The following NOX4 variants were observed in gnomAD, a reference collection of about 807,000 sequenced individuals.
The protein encoded by NOX4 is kidney oxidase-1.
Under a neutral mutation model 87.6 loss-of-function variants are expected in NOX4, and 69 were observed. The observed-to-expected ratio is 0.79, with a 90% confidence interval of 0.65 to 0.96. The LOEUF (loss-of-function observed/expected upper bound fraction) is 0.96, where lower values mean the gene tolerates loss of function less well. NOX4 is among the 40% of genes least tolerant of loss of function. NOX4 has a pLI of 0.00. For missense variants in NOX4, 680 were observed against 681.5 expected (o/e 1.00, Z 0.02); for synonymous variants, 275 against 238.2 (o/e 1.15, Z -1.42).
intron 12 of NOX4, among the ~76,000 whole-genome samples, chr11:89,355,566 T>C (rs1425552197): frequency 6.6e-6 from 1 of 152,010 alleles, no homozygotes; most frequent in Non-Finnish European, 1.5e-5. Flanking sequence ...GTCTCTTTAG[T>C]AACCCATGCA....
the NOX4 span, among the ~76,000 whole-genome samples, chr11:89,575,894 T>C: frequency 6.6e-6 from 1 of 152,232 alleles, no homozygotes; most frequent in Non-Finnish European, 1.5e-5. Flanking sequence ...TGAACATTTG[T>C]TGTCACAGTT....
intron 17 of NOX4, among the ~76,000 whole-genome samples, chr11:89,333,739 C>T (rs1945577501): frequency 1.3e-5 from 2 of 151,744 alleles, no homozygotes; most frequent in South Asian, 4.1e-4. Flanking sequence ...TCCATTTACA[C>T]AGTGCCTTTG....
At chr11:89,544,422 G>C in the NOX4 span, among the ~76,000 whole-genome samples, 1 of 152,078 alleles carries the variant, frequency 6.6e-6, no homozygotes, top group Non-Finnish European at 1.5e-5. Context: ...CTGAAGTGCA[G>C]CATCAAATAA....
intron 2 of NOX4, among the ~76,000 whole-genome samples, chr11:89,486,947 A>T (rs1396716603): frequency 6.6e-6 from 1 of 152,014 alleles, no homozygotes; most frequent in Non-Finnish European, 1.5e-5. Context: ...AGTTGGCCAC[A>T]TATTATTAAA....
chr11:89,370,517 T>A (rs182636626), intron 12 of NOX4, among the ~76,000 whole-genome samples: 1 of 151,898 alleles, frequency 6.6e-6, no homozygotes, highest in Non-Finnish European at 1.5e-5. Flanking sequence ...TAACAAAACA[T>A]TTTTGTACAC....
chr11:89,489,842 G>A (rs1946782534), intron 2 of NOX4, among the ~76,000 whole-genome samples: 3 of 151,898 alleles, frequency 2.0e-5, no homozygotes, highest in Non-Finnish European at 4.4e-5. Flanking sequence ...AGAAGGAGAT[G>A]GAACAGAAGA....
intron 11 of NOX4, among the ~76,000 whole-genome samples, chr11:89,387,365 C>A (rs995714266): frequency 1.3e-5 from 2 of 151,920 alleles, no homozygotes; most frequent in African/African-American, 4.8e-5. Context: ...TGACCCCCAT[C>A]CCTGCCCGCC....
At chr11:89,342,833 G>C (rs1300378988) in intron 13 of NOX4, among the ~76,000 whole-genome samples, 2 of 152,058 alleles carry the variant, frequency 1.3e-5, no homozygotes, top group Non-Finnish European at 2.9e-5. Context: ...GTGAGACAGA[G>C]AGAGAGAGAG....
Position 89,451,816 on chromosome 11 carries a change from G to T in NOX4, c.233C>A (p.Thr78Lys). Residue 78 changes from threonine to lysine, a missense_variant, in exon 3 of 18, where the codon ACA becomes AAA. Thr to Lys is a moderately conservative substitution (Grantham distance 78). Coordinates refer to ENST00000263317, the MANE Select transcript of NOX4 (RefSeq NM_016931.5). ...CSLILLPMCR[T>K]LLAYLRGSQK... ...TGATCCTCGGAGGTAAGCCAAGAGT[G>T]TTCGGCACATGGGTAAAAGGATAAG... The T allele has an allele frequency of 6.2e-7, 1 of 1,613,196 alleles. No homozygotes were observed. The highest frequency in any genetic ancestry group is 8.5e-7 in the Non-Finnish European group (1 of 1,179,316).
chr11:89,370,102 C>T (rs1209682921), intron 12 of NOX4, among the ~76,000 whole-genome samples: 1 of 152,028 alleles, frequency 6.6e-6, no homozygotes, highest in East Asian at 1.9e-4. Flanking sequence ...AGATTACTTG[C>T]ACTGTGAGAA....
intron 11 of NOX4, among the ~76,000 whole-genome samples, chr11:89,378,099 A>G (rs532221808): frequency 6.6e-5 from 10 of 152,274 alleles, no homozygotes; most frequent in African/African-American, 2.4e-4. Flanking sequence ...GATCACAGCA[A>G]TCTCCTATGG....
Position 89,324,506 on chromosome 11 carries a change from A to G in NOX4, c.*2250T>C, listed in dbSNP as rs943969089. ...GAAGCAAAGATGACCTATGTTTAAC[A>G]TTTAACATTTGAACACCTACTGGAA... On this transcript the variant is annotated 3_prime_UTR_variant, in exon 18 of 18. Coordinates refer to ENST00000263317, the MANE Select transcript of NOX4 (RefSeq NM_016931.5). 1.3e-5 allele frequency: 2 copies of G among 152,228 alleles called. No homozygotes were observed. The highest frequency in any genetic ancestry group is 2.9e-5 in the Non-Finnish European group (2 of 68,038). The allele number at this position is 152,228 out of a possible 1,614,324, so 9.4% of individuals were successfully genotyped here.
chr11:89,477,141 A>G (rs1946198700), intron 2 of NOX4, among the ~76,000 whole-genome samples: 1 of 152,184 alleles, frequency 6.6e-6, no homozygotes, highest in Non-Finnish European at 1.5e-5. Context: ...ATTGTAATAT[A>G]TAATGAAATA....
intron 11 of NOX4, among the ~76,000 whole-genome samples, chr11:89,396,221 T>C (rs919299682): frequency 3.3e-5 from 5 of 152,180 alleles, no homozygotes; most frequent in African/African-American, 9.6e-5. Context: ...GTCCTTCAGA[T>C]CCCTTGTAAG....
At chr11:89,449,177 C>T (rs1944837882) in intron 4 of NOX4, among the ~76,000 whole-genome samples, 1 of 152,092 alleles carries the variant, frequency 6.6e-6, no homozygotes, top group South Asian at 2.1e-4. Flanking sequence ...AGATAATGTA[C>T]AGAACAATAA....
the NOX4 span, among the ~76,000 whole-genome samples, chr11:89,568,060 C>A: frequency 1.3e-5 from 2 of 152,166 alleles, no homozygotes; most frequent in Non-Finnish European, 2.9e-5. Context: ...TGCTTAACCT[C>A]ACGGGGACAG....
intron 12 of NOX4, among the ~76,000 whole-genome samples, chr11:89,361,309 TGG>T (rs1402377494): frequency 6.6e-5 from 10 of 152,234 alleles, no homozygotes; most frequent in African/African-American, 2.4e-4. Context: ...GCAACTTGGA[TGG>T]AGCTGGAGGC....
At chr11:89,580,897 G>C in the NOX4 span, among the ~76,000 whole-genome samples, 1 of 152,134 alleles carries the variant, frequency 6.6e-6, no homozygotes, top group Non-Finnish European at 1.5e-5. Context: ...CCAGTCTAAA[G>C]GAAGGAGAAA....
chr11:89,481,419 G>A (rs990070535), intron 2 of NOX4, among the ~76,000 whole-genome samples: 1 of 151,900 alleles, frequency 6.6e-6, no homozygotes, highest in African/African-American at 2.4e-5. Flanking sequence ...CACTTCACCT[G>A]CATTTTCTCA....
Sources: allele counts gnomAD v4.1 joint callset (sites outside exome capture counted in the v4.1 genomes callset), GRCh38; gene constraint gnomAD v4.1.1; transcripts MANE v1.5; gene names NCBI Gene and HGNC (gene_info 2026-07-23, HGNC 2026-07-21).